The following HTR2C variants were observed in gnomAD, a reference collection of about 807,000 sequenced individuals.
The protein encoded by HTR2C is 5-hydroxytryptamine (serotonin) receptor 2C, G protein-coupled.
HTR2C carries 5 observed loss-of-function variants against 21.0 expected under a neutral mutation model. The observed-to-expected ratio is 0.24, with a 90% CI of 0.12 to 0.50. HTR2C has a LOEUF of 0.50. Among genes scored for constraint, HTR2C ranks in the 20% least tolerant of loss-of-function variants. HTR2C has a pLI of 0.98. For missense variants in HTR2C, 271 were observed against 371.2 expected, an observed-to-expected ratio of 0.73 and a Z score of 2.22; for synonymous variants, 150 against 145.3, an observed-to-expected ratio of 1.03 and a Z score of -0.23.
At chrX:114,601,707 G>T (rs1351680911) in intron 1 of HTR2C, among the ~76,000 whole-genome samples, 1 of 108,173 alleles carries the variant, frequency 9.2e-6, no homozygotes, top group East Asian at 2.9e-4. Context: ...CTTGGCTTGG[G>T]CTCAGAGGCC....
At chrX:114,826,515 C>G (rs1434992015) in intron 4 of HTR2C, among the ~76,000 whole-genome samples, 9 of 111,800 alleles carry the variant, frequency 8.1e-5, no homozygotes, top group Non-Finnish European at 1.3e-4. Flanking sequence ...AACTTCAGGC[C>G]AAAAAATAAA....
intron 2 of HTR2C, among the ~76,000 whole-genome samples, chrX:114,620,826 A>T (rs1376592068): frequency 1.8e-5 from 2 of 112,066 alleles, no homozygotes; most frequent in African/African-American, 6.5e-5. Context: ...TTAAGACAGC[A>T]TGATGAGTGC....
intron 2 of HTR2C, among the ~76,000 whole-genome samples, chrX:114,658,207 G>T (rs1292193638): frequency 1.8e-5 from 2 of 110,955 alleles, no homozygotes; most frequent in Non-Finnish European, 3.8e-5. Flanking sequence ...TTCCAGAATT[G>T]ATCACTTTTA....
At chrX:114,736,278 G>C (rs1177553808) in intron 4 of HTR2C, among the ~76,000 whole-genome samples, 1 of 110,838 alleles carries the variant, frequency 9.0e-6, no homozygotes, top group East Asian at 2.8e-4. Context: ...TATGAAGAAA[G>C]ACCCAAGTAT....
chrX:114,909,494 G>A lies in HTR2C; in HGVS notation c.*2079G>A, dbSNP rs899937665. 1 of 112,295 alleles carries A rather than the reference G, an allele frequency of 8.9e-6. No homozygotes were observed. The highest frequency in any genetic ancestry group is 1.9e-5 in the Non-Finnish European group (1 of 53,209). The allele number at this position is 112,295 out of a possible 1,213,427, so 9.3% of individuals were successfully genotyped here. A position where few individuals can be genotyped will look rare whatever the true frequency, so the allele number is the denominator to read the frequency against. On this transcript the variant is annotated 3_prime_UTR_variant, in exon 6 of 6. Coordinates refer to ENST00000276198, the MANE Select transcript of HTR2C (RefSeq NM_000868.4). ...CAGATCTGAAGTAGTGTGAGTGTTA[G>A]AAAAAACTGGAAACATCTGATTTCT...
At chrX:114,730,210 A>C (rs1452996096) in intron 3 of HTR2C, among the ~76,000 whole-genome samples, 4 of 111,749 alleles carry the variant, frequency 3.6e-5, no homozygotes, top group African/African-American at 1.3e-4. Flanking sequence ...AATAAATCTC[A>C]TGTCGCCATA....
chrX:114,662,937 G>T (rs1206318260), intron 2 of HTR2C, among the ~76,000 whole-genome samples: 2 of 111,634 alleles, frequency 1.8e-5, no homozygotes, highest in Non-Finnish European at 3.8e-5. Flanking sequence ...TAGAAGAGTG[G>T]CTAAATCCAT....
intron 2 of HTR2C, among the ~76,000 whole-genome samples, chrX:114,639,095 T>C (rs1303274731): frequency 8.9e-6 from 1 of 111,848 alleles, no homozygotes; most frequent in Non-Finnish European, 1.9e-5. Flanking sequence ...CTTGAGCAGT[T>C]TCATAAATGA....
At chrX:114,888,476 T>A (rs1485473613) in intron 5 of HTR2C, among the ~76,000 whole-genome samples, 2 of 112,033 alleles carry the variant, frequency 1.8e-5, no homozygotes, top group Non-Finnish European at 3.8e-5. Context: ...CAGCAGCAGG[T>A]AGCTGGTAGT....
At chrX:114,707,979 G>T (rs1463602661) in intron 2 of HTR2C, among the ~76,000 whole-genome samples, 1 of 110,303 alleles carries the variant, frequency 9.1e-6, no homozygotes, top group Non-Finnish European at 1.9e-5. Context: ...AACTTGGTTT[G>T]TCTCCCACTC....
chrX:114,633,487 A>G (rs782415566), intron 2 of HTR2C, among the ~76,000 whole-genome samples: 1 of 111,460 alleles, frequency 9.0e-6, no homozygotes, highest in South Asian at 3.8e-4. Flanking sequence ...TCAAGATAGC[A>G]AATTTCTATC....
intron 1 of HTR2C, among the ~76,000 whole-genome samples, chrX:114,592,808 C>T (rs1467439416): frequency 8.9e-6 from 1 of 111,799 alleles, no homozygotes; most frequent in Admixed American, 9.5e-5. Flanking sequence ...GCACATCTCC[C>T]ACTCTCTTTA....
chrX:114,877,135 A>T (rs1169770569), intron 5 of HTR2C, among the ~76,000 whole-genome samples: 1 of 110,717 alleles, frequency 9.0e-6, no homozygotes, highest in African/African-American at 3.3e-5. Context: ...CATTATTGGT[A>T]TATTCAGATT....
intron 5 of HTR2C, among the ~76,000 whole-genome samples, chrX:114,854,385 A>G (rs1179207026): frequency 3.6e-5 from 4 of 111,756 alleles, no homozygotes; most frequent in Non-Finnish European, 7.5e-5. Context: ...AAAATCAACA[A>G]GAAGAGTGAC....
intron 2 of HTR2C, among the ~76,000 whole-genome samples, chrX:114,700,901 G>A (rs782307284): frequency 8.9e-4 from 100 of 111,924 alleles, no homozygotes; most frequent in Non-Finnish European, 1.5e-4. Flanking sequence ...CGCACCAGGA[G>A]ATTATATCCC....
intron 4 of HTR2C, among the ~76,000 whole-genome samples, chrX:114,760,352 C>T (rs1336393679): frequency 9.0e-6 from 1 of 111,027 alleles, no homozygotes; most frequent in Non-Finnish European, 1.9e-5. Flanking sequence ...AAAGTAATTT[C>T]TTTTTCAAAG....
intron 3 of HTR2C, among the ~76,000 whole-genome samples, chrX:114,729,423 A>T (rs1337663170): frequency 2.7e-5 from 3 of 111,840 alleles, no homozygotes; most frequent in African/African-American, 9.7e-5. Flanking sequence ...CTGGTCAAAA[A>T]TTACTGAAGT....
At chrX:114,851,577 A>C (rs1275489713) in intron 5 of HTR2C, among the ~76,000 whole-genome samples, 2 of 110,865 alleles carry the variant, frequency 1.8e-5, no homozygotes, top group African/African-American at 6.6e-5. Context: ...TTTCCCTCCA[A>C]GTCTTTGTTA....
intron 3 of HTR2C, among the ~76,000 whole-genome samples, chrX:114,728,340 T>C (rs1240359693): frequency 9.0e-6 from 1 of 111,340 alleles, no homozygotes; most frequent in East Asian, 2.8e-4. Context: ...GGATAAACTT[T>C]AAGAGCAAGA....
Sources: allele counts gnomAD v4.1 joint callset (sites outside exome capture counted in the v4.1 genomes callset), GRCh38; gene constraint gnomAD v4.1.1; transcripts MANE v1.5; gene names NCBI Gene and HGNC (gene_info 2026-07-23, HGNC 2026-07-21).